The following MYO5C variants were observed in gnomAD, a reference collection of about 807,000 sequenced individuals.
MYO5C encodes the protein myosin VC.
A neutral mutation model predicts 235.7 loss-of-function variants in MYO5C; 194 were observed. That is an observed-to-expected ratio of 0.82 (90% CI 0.73 to 0.93). The LOEUF (loss-of-function observed/expected upper bound fraction) is 0.93. MYO5C is among the 40% of genes least tolerant of loss of function. The probability of loss-of-function intolerance (pLI) is 0.00; values close to 1 mark genes in which losing one functional copy is unlikely to be tolerated. For synonymous variants in MYO5C, 707 were observed against 754.8 expected, an observed-to-expected ratio of 0.94 and a Z score of 1.04; for missense variants, 2,038 against 2,127.2, an observed-to-expected ratio of 0.96 and a Z score of 0.82.
At chr15:52,199,653 G>A (rs1359700707) in intron 38 of MYO5C, among the ~76,000 whole-genome samples, 2 of 152,174 alleles carry the variant, frequency 1.3e-5, no homozygotes, top group Non-Finnish European at 2.9e-5. Flanking sequence ...GCCTCCTAAT[G>A]CTCAATGCCC....
In MYO5C at chr15:52,295,710, GC is replaced by G. The variant is rs1231906060; in HGVS notation, c.-75del. 9.0e-7 allele frequency: 1 copy of G among 1,111,802 alleles called. No homozygotes were observed. The highest frequency in any genetic ancestry group is 1.2e-6 in the Non-Finnish European group (1 of 839,332). The allele number at this position is 1,111,802 out of a possible 1,614,324, so 68.9% of individuals were successfully genotyped here. On this transcript the variant is annotated 5_prime_UTR_variant, in exon 1 of 41. Transcript: ENST00000261839. ...CGGGGGCTGGGCCTGCGCCGCAGAG[GC>G]CGGGCGCAGGAGAGACCGCCGCGGA...
intron 8 of MYO5C, among the ~76,000 whole-genome samples, chr15:52,264,841 G>A (rs1473764518): frequency 2.6e-5 from 4 of 152,138 alleles, no homozygotes; most frequent in Admixed American, 2.0e-4. Context: ...AGAAGGTTCC[G>A]AGTGCGTCCT....
intron 23 of MYO5C, among the ~76,000 whole-genome samples, chr15:52,234,494 A>T (rs1035941244): frequency 6.6e-6 from 1 of 152,176 alleles, no homozygotes; most frequent in African/African-American, 2.4e-5. Context: ...GGGGGGAAAA[A>T]AGCCAAAACA....
intron 25 of MYO5C, among the ~76,000 whole-genome samples, chr15:52,227,444 A>G (rs2035854985): frequency 6.7e-6 from 1 of 149,508 alleles, no homozygotes; most frequent in East Asian, 2.0e-4. Context: ...TGATCCGCCC[A>G]CCTCAGTCTC....
rs958688093 is a variant in MYO5C, at chr15:52,271,689, A to G, written c.832+74T>C. On this transcript the variant is annotated intron_variant, in intron 7 of 40. Coordinates refer to ENST00000261839, the MANE Select transcript of MYO5C (RefSeq NM_018728.4). ...AAATACTTAAAACAAATATATTACT[A>G]TAAGAAGAAAGTTAACCTAGAATTT... 1.6e-4 allele frequency: 132 copies of G among 831,078 alleles called. No individual in the cohort carries two copies. In the South Asian group the frequency reaches 2.4e-3, roughly 15 times the overall value. 51.5% of individuals were successfully genotyped at this position (831,078 alleles called of 1,614,324 possible).
At position 52,275,729 on chromosome 15, in the gene MYO5C, TA is replaced by T. The variant is rs752494423; in HGVS notation, c.450-12del. 2.5e-5 allele frequency: 41 copies of T among 1,613,502 alleles called. No individual in the cohort carries two copies. The highest frequency in any genetic ancestry group is 3.5e-5 in the Non-Finnish European group (41 of 1,179,470). On this transcript the variant is annotated splice_polypyrimidine_tract_variant and intron_variant, in intron 4 of 40. Coordinates refer to ENST00000261839, the MANE Select transcript of MYO5C (RefSeq NM_018728.4). ...TGGTTTCTGTTGTTTCTAAAGCAAATAAAAGTTTTCAAATATTAGTTTCTTC... is the reference window on the plus strand; with the variant it reads ...TGGTTTCTGTTGTTTCTAAAGCAAATAAAGTTTTCAAATATTAGTTTCTTC...
intron 16 of MYO5C, 27 bp from the exon 17 acceptor site, chr15:52,246,069 T>G: frequency 6.3e-7 from 1 of 1,594,614 alleles, no homozygotes; most frequent in Non-Finnish European, 8.6e-7. Flanking sequence ...ATATTATGTG[T>G]TGAGGCATCG....
At chr15:52,261,606 G>T (rs1396944558) in intron 9 of MYO5C, among the ~76,000 whole-genome samples, 3 of 152,238 alleles carry the variant, frequency 2.0e-5, no homozygotes, top group Non-Finnish European at 2.9e-5. Context: ...GTTGCTGCCA[G>T]GCAGAAGCTG....
At chr15:52,276,200 A>G (rs568173482) in intron 4 of MYO5C, among the ~76,000 whole-genome samples, 16 of 152,280 alleles carry the variant, frequency 1.1e-4, no homozygotes, top group Admixed American at 6.5e-4. Context: ...CTCAGGTTCA[A>G]TGACCCAGTA....
At chr15:52,261,191 G>T in intron 9 of MYO5C, 64 bp from the exon 10 acceptor site, 2 of 1,574,984 alleles carry the variant, frequency 1.3e-6, no homozygotes, top group Admixed American at 1.7e-5. Flanking sequence ...AATCCCACCC[G>T]GCCAAGGCCC....
chr15:52,261,878 G>T (rs116231279), intron 9 of MYO5C, among the ~76,000 whole-genome samples: 2 of 152,110 alleles, frequency 1.3e-5, no homozygotes, highest in Admixed American at 6.6e-5. Context: ...CTCCCCTGCC[G>T]GCACCATTCC....
intron 35 of MYO5C, among the ~76,000 whole-genome samples, chr15:52,208,850 C>G (rs906665258): frequency 6.6e-6 from 1 of 152,184 alleles, no homozygotes; most frequent in South Asian, 2.1e-4. Flanking sequence ...GGTTGTGTCA[C>G]TCATTATGAA....
chr15:52,264,203 C>T lies in MYO5C; in HGVS notation c.1034G>A (p.Arg345Lys), dbSNP rs778279124. The T allele has an allele frequency of 6.2e-7, 1 of 1,612,482 alleles. No individual in the cohort carries two copies. The highest frequency in any genetic ancestry group is 8.5e-7 in the Non-Finnish European group (1 of 1,178,654). Residue 345 changes from arginine to lysine, a missense_variant, in exon 9 of 41, where the codon AGG becomes AAG. Coordinates refer to ENST00000261839, the MANE Select transcript of MYO5C (RefSeq NM_018728.4). The stretch of plus-strand genomic sequence containing the variant: ...TGAGCATCTCACACTAACTGAGGAC[C>T]TCTCGTTGCCCACCGCGGTGATCTG... ...NVQITAVGNE[R>K]SSVSEDDSHL...
rs1187954090 is a variant in MYO5C, at chr15:52,260,884, T to C, written c.1291A>G (p.Ile431Val). ...TACCCATAAATGTCCAAAACACCAA[T>C]AAAAGTGTGCTGCTTGCCTGAAAAC... ...LQFSGKQHTFIGVLDIYGFET... is the reference protein window; with the variant it reads ...LQFSGKQHTFVGVLDIYGFET... Residue 431 changes from isoleucine to valine, a missense_variant, in exon 10 of 41, where the codon ATT (isoleucine) becomes GTT (valine). Transcript: ENST00000261839. 5.0e-6 allele frequency: 8 copies of C among 1,614,046 alleles called. No homozygotes were observed. In the African/African-American group the frequency reaches 6.7e-5, roughly 13 times the overall value.
At chr15:52,222,124 C>T (rs769229062) in intron 29 of MYO5C, among the ~76,000 whole-genome samples, 22 of 152,148 alleles carry the variant, frequency 1.4e-4, no homozygotes, top group South Asian at 6.2e-4. Flanking sequence ...GGCTAAGCTA[C>T]GATGCTTGGT....
intron 20 of MYO5C, among the ~76,000 whole-genome samples, chr15:52,241,702 G>A (rs1425119159): frequency 1.3e-5 from 2 of 151,680 alleles, no homozygotes; most frequent in Non-Finnish European, 2.9e-5. Flanking sequence ...GGGCCAACTG[G>A]GAGAAAGAGA....
chr15:52,291,739 T>TTTTTTTTTTTTTG (rs1566998056), intron 1 of MYO5C, among the ~76,000 whole-genome samples: 1 of 75,626 alleles, frequency 1.3e-5, no homozygotes, highest in Non-Finnish European at 2.8e-5. Context: ...ATGTTTTTTT[T>TTTTTTTTTTTTTG]TTTTTTTTTT....
At chr15:52,202,273 A>G (rs542759267) in intron 38 of MYO5C, among the ~76,000 whole-genome samples, 14 of 152,316 alleles carry the variant, frequency 9.2e-5, no homozygotes, top group African/African-American at 3.1e-4. Flanking sequence ...GCTACTCAGG[A>G]GGCTGCGGCA....
chr15:52,295,786 C>G lies in MYO5C; in HGVS notation c.-150G>C. ...AAAGTTTTCCAACGGCCTCCTGTTCCCGTTCCCGAGTTGGCGGCGAGGGGA... is the reference window on the plus strand; with the variant it reads ...AAAGTTTTCCAACGGCCTCCTGTTCGCGTTCCCGAGTTGGCGGCGAGGGGA... On this transcript the variant is annotated 5_prime_UTR_variant, in exon 1 of 41. Coordinates refer to ENST00000261839, the MANE Select transcript of MYO5C (RefSeq NM_018728.4). The G allele has an allele frequency of 4.0e-6, 2 of 497,688 alleles. No homozygotes were observed. The highest frequency in any genetic ancestry group is 4.4e-5 in the Admixed American group (1 of 22,704). 30.8% of individuals were successfully genotyped at this position (497,688 alleles called of 1,614,324 possible).
Sources: gnomAD v4.1 joint callset for allele counts (sites outside exome capture counted in the v4.1 genomes callset) on GRCh38, gnomAD v4.1.1 for gene constraint, MANE v1.5 for transcripts, NCBI Gene and HGNC (gene_info 2026-07-23, HGNC 2026-07-21) for gene names.